Variants in COL25A1 observed in about 807,000 individuals in gnomAD.
COL25A1 encodes the protein collagen type XXV alpha 1 chain.
In COL25A1, 103 loss-of-function variants were observed where a neutral mutation model predicts 128.4. The observed-to-expected ratio is 0.80, with a 90% CI of 0.68 to 0.94. The LOEUF is 0.94. Ranked by LOEUF, COL25A1 falls within the 40% of genes least tolerant of loss-of-function variation. The pLI, the probability that COL25A1 is intolerant of heterozygous loss-of-function variation, is 0.00. For missense variants in COL25A1, 745 were observed against 840.0 expected (o/e 0.89, Z 1.40); for synonymous variants, 279 against 277.2 (o/e 1.01, Z -0.06).
intron 3 of COL25A1, among the ~76,000 whole-genome samples, chr4:109,174,359 G>C (rs1232469095): frequency 1.3e-5 from 2 of 152,114 alleles, no homozygotes; most frequent in Non-Finnish European, 2.9e-5. Context: ...AAGTCCCCTA[G>C]CTAAACATTC....
chr4:108,895,938 C>CTTTTTTTTTTTTTT (rs35506597), intron 16 of COL25A1, among the ~76,000 whole-genome samples: 2 of 70,794 alleles, frequency 2.8e-5, no homozygotes, highest in African/African-American at 5.4e-5. Context: ...TATAATCAAA[C>CTTTTTTTTTTTTTT]TTTTTTTTTT....
At chr4:108,957,643 C>T (rs1423380711) in intron 8 of COL25A1, among the ~76,000 whole-genome samples, 1 of 152,166 alleles carries the variant, frequency 6.6e-6, no homozygotes, top group African/African-American at 2.4e-5. Flanking sequence ...GAATAGTCTG[C>T]TTTTTAAAAG....
chr4:109,222,507 G>A (rs1229172957), intron 3 of COL25A1, among the ~76,000 whole-genome samples: 1 of 152,054 alleles, frequency 6.6e-6, no homozygotes, highest in African/African-American at 2.4e-5. Context: ...AAGAATTTAT[G>A]TTCTCAAGAA....
intron 3 of COL25A1, among the ~76,000 whole-genome samples, chr4:109,143,574 T>C (rs1770642592): frequency 6.6e-6 from 1 of 152,216 alleles, no homozygotes; most frequent in Non-Finnish European, 1.5e-5. Flanking sequence ...TTTCACATAG[T>C]CCCATATTTT....
At chr4:109,045,804 C>T (rs1159517864) in intron 5 of COL25A1, among the ~76,000 whole-genome samples, 1 of 152,036 alleles carries the variant, frequency 6.6e-6, no homozygotes, top group East Asian at 1.9e-4. Flanking sequence ...CATGATTATA[C>T]TTTATTTCTT....
intron 4 of COL25A1, among the ~76,000 whole-genome samples, chr4:109,049,846 T>C (rs533164494): frequency 1.3e-5 from 2 of 152,154 alleles, no homozygotes; most frequent in African/African-American, 2.4e-5. Flanking sequence ...CCATTGTACA[T>C]AGAAAGGACA....
At chr4:109,234,002 C>A (rs1371036497) in intron 3 of COL25A1, among the ~76,000 whole-genome samples, 2 of 152,136 alleles carry the variant, frequency 1.3e-5, no homozygotes, top group Non-Finnish European at 2.9e-5. Flanking sequence ...GCTTTCCTAC[C>A]TATTTACTCC....
chr4:109,301,414 G>A (rs905886872), intron 2 of COL25A1, among the ~76,000 whole-genome samples: 2 of 152,096 alleles, frequency 1.3e-5, no homozygotes, highest in Admixed American at 6.6e-5. Context: ...CCACAATTGG[G>A]TTTGACTTAG....
chr4:108,812,658 A>T lies in COL25A1; in HGVS notation c.*1269T>A, dbSNP rs1452696. 59 of 152,332 alleles carry T rather than the reference A, an allele frequency of 3.9e-4. No homozygotes were observed. The highest frequency in any genetic ancestry group is 1.4e-3 in the African/African-American group (58 of 41,584). 9.4% of individuals were successfully genotyped at this position (152,332 alleles called of 1,614,324 possible). A position where few individuals can be genotyped will look rare whatever the true frequency, so the allele number is the denominator to read the frequency against. On this transcript the variant is annotated 3_prime_UTR_variant, in exon 38 of 38. Transcript: ENST00000399132. Reference sequence around the variant, plus strand: ...CTAATATTTTTTCAATATTCTTGGGACTAAAGAAAGAAAAAGAAAAAAGCA... The same window carrying T: ...CTAATATTTTTTCAATATTCTTGGGTCTAAAGAAAGAAAAAGAAAAAAGCA...
chr4:108,994,114 G>C (rs779294558), intron 6 of COL25A1, among the ~76,000 whole-genome samples: 1 of 152,174 alleles, frequency 6.6e-6, no homozygotes, highest in Non-Finnish European at 1.5e-5. Context: ...TGGGCAGTGG[G>C]TGCAGCCCAC....
At chr4:109,082,663 T>A (rs1763942678) in intron 3 of COL25A1, among the ~76,000 whole-genome samples, 1 of 152,240 alleles carries the variant, frequency 6.6e-6, no homozygotes, top group South Asian at 2.1e-4. Flanking sequence ...TTCTGAGTTG[T>A]AAGAGTTCTT....
chr4:109,240,571 T>G (rs1779832051), intron 3 of COL25A1, among the ~76,000 whole-genome samples: 1 of 152,074 alleles, frequency 6.6e-6, no homozygotes, highest in South Asian at 2.1e-4. Context: ...TGTGCTCCAT[T>G]GGCCCAAATG....
At chr4:109,107,097 G>GT (rs750079863) in intron 3 of COL25A1, among the ~76,000 whole-genome samples, 2 of 151,928 alleles carry the variant, frequency 1.3e-5, no homozygotes, top group Admixed American at 6.6e-5. Context: ...GCTTCAAAAA[G>GT]TTTTTTTTAA....
intron 19 of COL25A1, among the ~76,000 whole-genome samples, chr4:108,882,525 TTAAA>T (rs1301838870): frequency 6.6e-6 from 1 of 152,200 alleles, no homozygotes; most frequent in Non-Finnish European, 1.5e-5. Flanking sequence ...TCTTATCACT[TTAAA>T]TAAATAGTTT....
chr4:109,007,886 C>T (rs1756187207), intron 6 of COL25A1, among the ~76,000 whole-genome samples: 4 of 152,152 alleles, frequency 2.6e-5, no homozygotes, highest in Non-Finnish European at 5.9e-5. Context: ...GTTTCCAGTG[C>T]TGGTTTATGA....
intron 8 of COL25A1, among the ~76,000 whole-genome samples, chr4:108,952,849 T>TTTTTTTTTTTC (rs1749617844): frequency 1.5e-5 from 2 of 136,316 alleles, no homozygotes; most frequent in African/African-American, 3.2e-5. Flanking sequence ...TTTTTTTTTT[T>TTTTTTTTTTTC]TTTTTTTGGC....
chr4:109,012,502 C>T (rs543932415), intron 5 of COL25A1, among the ~76,000 whole-genome samples: 3 of 152,282 alleles, frequency 2.0e-5, no homozygotes, highest in South Asian at 2.1e-4. Context: ...ACTTGGGCTG[C>T]GTGCAGCGCT....
At chr4:108,841,774 C>A (rs1434521960) in intron 30 of COL25A1, 53 bp from the exon 31 acceptor site, 1 of 1,359,768 alleles carries the variant, frequency 7.4e-7, no homozygotes, top group African/African-American at 1.4e-5. Flanking sequence ...TGTTTCCCAG[C>A]AAGAGTGAAT....
At chr4:109,029,241 G>A (rs1314794633) in intron 5 of COL25A1, among the ~76,000 whole-genome samples, 1 of 152,196 alleles carries the variant, frequency 6.6e-6, no homozygotes, top group Non-Finnish European at 1.5e-5. Context: ...GTTTTAAGTT[G>A]CACACCATTC....
Sources: allele counts gnomAD v4.1 joint callset (sites outside exome capture counted in the v4.1 genomes callset), GRCh38; gene constraint gnomAD v4.1.1; transcripts MANE v1.5; gene names NCBI Gene and HGNC (gene_info 2026-07-23, HGNC 2026-07-21).